The following SEMA3F variants were observed in gnomAD, a reference collection of about 807,000 sequenced individuals.
SEMA3F encodes the protein semaphorin 3F, also known as semaphorin-3F.
Under a neutral mutation model 98.5 loss-of-function variants are expected in SEMA3F, and 30 were observed. The ratio of observed to expected loss-of-function variants is 0.30; its 90% confidence interval spans 0.23 to 0.41. The LOEUF (loss-of-function observed/expected upper bound fraction) is 0.41. Ranked by LOEUF, SEMA3F falls within the 10% of genes least tolerant of loss-of-function variation. The pLI, the probability that SEMA3F is intolerant of heterozygous loss-of-function variation, is 1.00. For synonymous variants in SEMA3F, 380 were observed against 444.8 expected (o/e 0.85, Z 1.83); for missense variants, 866 against 1,119.3 (o/e 0.77, Z 3.23).
Position 50,188,001 on chromosome 3 carries a change from T to G in SEMA3F, c.2244T>G (p.Gly748=). The G allele has an allele frequency of 2.6e-5, 42 of 1,604,440 alleles. No individual in the cohort carries two copies. The highest frequency in any genetic ancestry group is 3.6e-5 in the Non-Finnish European group (42 of 1,176,600). ...EVGLIHQYCQ[G]YWRHVPPSPR... is the part of the protein sequence containing the mutation. ...GCCTCATCCACCAGTACTGCCAGGG[T>G]TACTGGCGCCATGTGCCCCCCAGCC... Residue 748 remains glycine (G), a synonymous_variant, in exon 19 of 19, where the codon GGT becomes GGG. Coordinates refer to ENST00000002829, the MANE Select transcript of SEMA3F (RefSeq NM_004186.5). This position sits in a 1 kb window ranked among gnomAD's most constrained non-coding sequence, Gnocchi z 4.5.
rs1697942711 is a variant in SEMA3F, at chr3:50,155,556, G to A, written c.-57G>A. 3.1e-6 allele frequency: 1 copy of A among 318,248 alleles called. No individual in the cohort carries two copies. Among genetic ancestry groups the A allele is most frequent in the Non-Finnish European group, 5.7e-6 (1 of 174,368 alleles). The allele number at this position is 318,248 out of a possible 1,614,324, so 19.7% of individuals were successfully genotyped here. A position where few individuals can be genotyped will look rare whatever the true frequency, so the allele number is the denominator to read the frequency against. ...GCCCGGGCGCCCAGGCCCCGCCGCT[G>A]CGGAAGAGGTGAGTGCAGCGGGAAC... On this transcript the variant is annotated 5_prime_UTR_variant, in exon 1 of 19. Coordinates refer to ENST00000002829, the MANE Select transcript of SEMA3F (RefSeq NM_004186.5). This position sits in a 1 kb window ranked among gnomAD's most constrained non-coding sequence, Gnocchi z 4.9.
At chr3:50,170,999 C>T (rs562046125) in intron 2 of SEMA3F, among the ~76,000 whole-genome samples, 1 of 152,298 alleles carries the variant, frequency 6.6e-6, no homozygotes, top group East Asian at 1.9e-4. Flanking sequence ...TGGGCCTCCC[C>T]CTCCTTCAGC....
chr3:50,180,465 C>T (rs1319213550), intron 7 of SEMA3F, among the ~76,000 whole-genome samples: 3 of 152,140 alleles, frequency 2.0e-5, no homozygotes, highest in Admixed American at 6.5e-5. Context: ...CCATTTCTAG[C>T]TTTTGACTTA....
chr3:50,155,277 G>A (rs1697928546), upstream of SEMA3F: 2 of 323,218 alleles, frequency 6.2e-6, no homozygotes, highest in South Asian at 2.8e-4. The surrounding 1 kb of genome is among the most constrained non-coding windows in gnomAD (Gnocchi z 4.9). Context: ...CGCCCTCGGC[G>A]CGCCGGCCAG....
intron 2 of SEMA3F, among the ~76,000 whole-genome samples, chr3:50,161,696 C>T (rs550265730): frequency 1.3e-5 from 2 of 152,352 alleles, no homozygotes; most frequent in East Asian, 1.9e-4. Context: ...TGACAGGCCC[C>T]GTGCTGAGTG....
At chr3:50,183,618 T>C in intron 12 of SEMA3F, 54 bp downstream of exon 12, 2 of 1,581,282 alleles carry the variant, frequency 1.3e-6, no homozygotes, top group East Asian at 4.5e-5. Context: ...AAGAGGCCTC[T>C]GGGTCAGGCT....
intron 2 of SEMA3F, among the ~76,000 whole-genome samples, chr3:50,160,773 C>T (rs942284400): frequency 1.3e-5 from 2 of 152,212 alleles, no homozygotes; most frequent in Non-Finnish European, 2.9e-5. Context: ...GCCCAGCCCT[C>T]ACCTCACCAT....
Position 50,185,549 on chromosome 3 carries a change from C to G in SEMA3F, c.1545+18C>G. On this transcript the variant is annotated intron_variant, in intron 14 of 18. Coordinates refer to ENST00000002829, the MANE Select transcript of SEMA3F (RefSeq NM_004186.5). ...TCTTCAAGGTGGGTGTGACACCACCCAGTCCTGACCTCCCCACCTTTACCC... is the reference window on the plus strand; with the variant it reads ...TCTTCAAGGTGGGTGTGACACCACCGAGTCCTGACCTCCCCACCTTTACCC... 6.2e-7 allele frequency: 1 copy of G among 1,612,576 alleles called. No individual in the cohort carries two copies. The highest frequency in any genetic ancestry group is 8.5e-7 in the Non-Finnish European group (1 of 1,178,706).
intron 1 of SEMA3F, chr3:50,159,337 G>A: frequency 2.6e-6 from 1 of 390,170 alleles, no homozygotes; most frequent in Admixed American, 4.8e-5. Context: ...GAGGGGTAGG[G>A]TTTGAGTCTC....
chr3:50,161,471 C>T (rs763706818), intron 2 of SEMA3F, among the ~76,000 whole-genome samples: 3 of 152,206 alleles, frequency 2.0e-5, no homozygotes, highest in African/African-American at 4.8e-5. Context: ...GCTCTGAAGC[C>T]GACACCCGCA....
At chr3:50,179,836 C>A (rs938567328) in intron 7 of SEMA3F, among the ~76,000 whole-genome samples, 1 of 152,228 alleles carries the variant, frequency 6.6e-6, no homozygotes, top group Non-Finnish European at 1.5e-5. Context: ...AGCTTCCTCT[C>A]TTCTCTCAGC....
chr3:50,164,770 TC>T (rs1396821092), intron 2 of SEMA3F, among the ~76,000 whole-genome samples: 2 of 152,380 alleles, frequency 1.3e-5, no homozygotes, highest in Admixed American at 6.5e-5. Flanking sequence ...TCATGAGGGC[TC>T]AGACTGTCTT....
chr3:50,175,247 C>T, intron 6 of SEMA3F, 59 bp downstream of exon 6: 5 of 1,254,350 alleles, frequency 4.0e-6, no homozygotes, highest in Non-Finnish European at 5.7e-6. Flanking sequence ...GGAACTCACC[C>T]TGGGCCTGCA....
chr3:50,188,140 G>A lies in SEMA3F; in HGVS notation c.*25G>A, dbSNP rs1699306988. 3 of 1,420,024 alleles carry A rather than the reference G, an allele frequency of 2.1e-6. No individual in the cohort carries two copies. The highest frequency in any genetic ancestry group is 1.5e-5 in the South Asian group (1 of 64,894). 88.0% of individuals were successfully genotyped at this position (1,420,024 alleles called of 1,614,324 possible). A position where few individuals can be genotyped will look rare whatever the true frequency, so the allele number is the denominator to read the frequency against. ...AGGCCAGCTGCCTGTGCCTGCCATG[G>A]GCCAGCCTAGCCCTTGTCCCTTTTA... On this transcript the variant is annotated 3_prime_UTR_variant, in exon 19 of 19. Coordinates refer to ENST00000002829, the MANE Select transcript of SEMA3F (RefSeq NM_004186.5). The surrounding 1 kb of genome is among the most constrained non-coding windows in gnomAD (Gnocchi z 4.5).
chr3:50,175,281 C>T, intron 6 of SEMA3F, 93 bp downstream of exon 6: 1 of 857,578 alleles, frequency 1.2e-6, no homozygotes, highest in African/African-American at 1.7e-5. Flanking sequence ...TCCCCAGGGC[C>T]TCCCCTCTAC....
chr3:50,160,243 AG>A (rs1049455745), intron 2 of SEMA3F, among the ~76,000 whole-genome samples: 3 of 152,168 alleles, frequency 2.0e-5, no homozygotes, highest in African/African-American at 7.2e-5. Flanking sequence ...CCAAGTGGGA[AG>A]GGTTCCTAGA....
intron 3 of SEMA3F, 37 bp downstream of exon 3, chr3:50,173,990 A>G (rs780910563): frequency 2.2e-5 from 36 of 1,613,898 alleles, no homozygotes; most frequent in Non-Finnish European, 2.9e-5. Flanking sequence ...TGGGGTGGGC[A>G]CGGAGCCCCA....
At chr3:50,159,804 C>G in intron 2 of SEMA3F, 70 bp downstream of exon 2, 1 of 1,045,220 alleles carries the variant, frequency 9.6e-7, no homozygotes, top group East Asian at 2.4e-5. Context: ...CCTCTGCACA[C>G]GAGAGAAAGG....
intron 2 of SEMA3F, 119 bp from the exon 3 acceptor site, chr3:50,173,674 C>A: frequency 2.6e-6 from 2 of 764,378 alleles, no homozygotes; most frequent in Non-Finnish European, 4.3e-6. Flanking sequence ...AGAAAAAAGA[C>A]CACTCTGTGG....
Sources: allele counts gnomAD v4.1 joint callset (sites outside exome capture counted in the v4.1 genomes callset), GRCh38; gene constraint gnomAD v4.1.1; non-coding constraint Gnocchi (gnomAD v3.1); transcripts MANE v1.5; gene names NCBI Gene and HGNC (gene_info 2026-07-23, HGNC 2026-07-21).